The following DOK5 variants were observed in gnomAD, a reference collection of about 807,000 sequenced individuals.
The protein encoded by DOK5 is downstream of tyrosine kinase 5.
Under a neutral mutation model 43.3 loss-of-function variants are expected in DOK5, and 27 were observed. That is an observed-to-expected ratio of 0.62 (90% CI 0.46 to 0.86). The LOEUF (loss-of-function observed/expected upper bound fraction) is 0.86. DOK5 is among the 40% of genes least tolerant of loss of function. DOK5 has a pLI of 0.00. For missense variants in DOK5, 373 were observed against 392.9 expected, an observed-to-expected ratio of 0.95 and a Z score of 0.43; for synonymous variants, 146 against 140.1, an observed-to-expected ratio of 1.04 and a Z score of -0.30.
At chr20:54,648,529 G>A (rs965985632) in intron 7 of DOK5, among the ~76,000 whole-genome samples, 4 of 152,106 alleles carry the variant, frequency 2.6e-5, no homozygotes, top group South Asian at 2.1e-4. Context: ...CAGCCATACC[G>A]AGAGCCAGGG....
intron 1 of DOK5, among the ~76,000 whole-genome samples, chr20:54,543,534 A>C (rs1984235159): frequency 6.7e-6 from 1 of 149,042 alleles, no homozygotes; most frequent in South Asian, 2.1e-4. Context: ...ATTATTCCCT[A>C]GAATTGCTGT....
At chr20:54,547,093 C>T (rs756181791) in intron 1 of DOK5, among the ~76,000 whole-genome samples, 4 of 152,158 alleles carry the variant, frequency 2.6e-5, no homozygotes, top group Non-Finnish European at 5.9e-5. Context: ...CAGAGGTTGG[C>T]AAACTATGGT....
chr20:54,480,203 C>T (rs1981613810), intron 1 of DOK5, among the ~76,000 whole-genome samples: 1 of 152,160 alleles, frequency 6.6e-6, no homozygotes, highest in South Asian at 2.1e-4. Context: ...CTGGGTAAAA[C>T]AAGACTGAAA....
chr20:54,505,018 G>A (rs1337464940), intron 1 of DOK5, among the ~76,000 whole-genome samples: 1 of 152,042 alleles, frequency 6.6e-6, no homozygotes, highest in African/African-American at 2.4e-5. Context: ...TGTCCCGGTG[G>A]CATTCCCCAA....
intron 6 of DOK5, among the ~76,000 whole-genome samples, chr20:54,614,085 A>G (rs1986731628): frequency 6.6e-6 from 1 of 151,516 alleles, no homozygotes; most frequent in Admixed American, 6.6e-5. Flanking sequence ...TACATAAAAC[A>G]ACAACAAAAA....
intron 1 of DOK5, among the ~76,000 whole-genome samples, chr20:54,526,536 T>G (rs941167050): frequency 6.6e-5 from 10 of 152,194 alleles, no homozygotes; most frequent in Admixed American, 6.5e-4. Context: ...ACTTTCTTGC[T>G]GCAGACTCTT....
At chr20:54,542,780 G>A (rs765626125) in intron 1 of DOK5, among the ~76,000 whole-genome samples, 6 of 152,336 alleles carry the variant, frequency 3.9e-5, no homozygotes, top group Middle Eastern at 3.4e-3. Context: ...TTATTAAGAC[G>A]TTGATTTTTA....
intron 6 of DOK5, among the ~76,000 whole-genome samples, chr20:54,618,048 C>T (rs938507669): frequency 3.3e-5 from 5 of 152,308 alleles, no homozygotes; most frequent in South Asian, 2.1e-4. Flanking sequence ...TGGCAGGATA[C>T]CGTGGCAAGT....
chr20:54,521,302 G>A (rs942180271), intron 1 of DOK5, among the ~76,000 whole-genome samples: 3 of 152,002 alleles, frequency 2.0e-5, no homozygotes, highest in Non-Finnish European at 4.4e-5. Context: ...AACTCCTGGA[G>A]CTTGTAGAGA....
intron 7 of DOK5, among the ~76,000 whole-genome samples, chr20:54,648,069 G>A (rs1568829042): frequency 1.3e-5 from 2 of 152,098 alleles, no homozygotes; most frequent in South Asian, 2.1e-4. Context: ...CTGCCCGAAA[G>A]GGTATTTTAT....
intron 1 of DOK5, among the ~76,000 whole-genome samples, chr20:54,506,536 C>A (rs1367519313): frequency 2.0e-5 from 3 of 152,196 alleles, no homozygotes; most frequent in East Asian, 1.9e-4. Context: ...TCATGGCTCA[C>A]CGCAGCCTCC....
At chr20:54,572,222 G>A (rs923556489) in intron 2 of DOK5, among the ~76,000 whole-genome samples, 6 of 151,032 alleles carry the variant, frequency 4.0e-5, no homozygotes, top group Non-Finnish European at 8.8e-5. Flanking sequence ...GTGCAGTGGC[G>A]CGATCTTGGC....
Position 54,475,817 on chromosome 20 carries a change from C to A in DOK5, c.-130C>A. 9.0e-7 allele frequency: 1 copy of A among 1,109,434 alleles called. No individual in the cohort carries two copies. Among genetic ancestry groups the A allele is most frequent in the Non-Finnish European group, 1.3e-6 (1 of 760,660 alleles). The allele number at this position is 1,109,434 out of a possible 1,614,324, so 68.7% of individuals were successfully genotyped here. Reference sequence around the variant, plus strand: ...GTGCGCCTTCTAAAGCCTCGCCCAGCGCCGCCGAAGCAGCTTCACCTCTCC... The same window carrying A: ...GTGCGCCTTCTAAAGCCTCGCCCAGAGCCGCCGAAGCAGCTTCACCTCTCC... On this transcript the variant is annotated 5_prime_UTR_variant, in exon 1 of 8. Transcript: ENST00000262593. This position sits in a 1 kb window ranked among gnomAD's most constrained non-coding sequence, Gnocchi z 4.2.
rs1979652205 is a variant in DOK5, at chr20:54,650,619, A to C, written c.*140A>C. 1.6e-6 allele frequency: 1 copy of C among 620,612 alleles called. No homozygotes were observed. The highest frequency in any genetic ancestry group is 2.5e-5 in the South Asian group (1 of 39,520). The allele number at this position is 620,612 out of a possible 1,614,324, so 38.4% of individuals were successfully genotyped here. ...TGGCTAATTGTGTGGTCATTGGAAA[A>C]CTCTGCAATACAATAATTTTCTTTA... On this transcript the variant is annotated 3_prime_UTR_variant, in exon 8 of 8. Transcript: ENST00000262593.
chr20:54,644,947 A>G lies in DOK5; in HGVS notation c.856+1369A>G, dbSNP rs145351758. Among the ~76,000 whole-genome samples the G allele has an allele frequency of 5.0e-4, 73 of 145,410 alleles. No individual in the cohort carries two copies. The East Asian group carries it at 0.014, about 27-fold the overall frequency. On this transcript the variant is annotated intron_variant, in intron 7 of 7. Coordinates refer to ENST00000262593, the MANE Select transcript of DOK5 (RefSeq NM_018431.5). ...TGTTTTTCATTTCATAGTACATAAGAATAGCTTATTATGTTATGCGCCTTT... is the reference window on the plus strand; with the variant it reads ...TGTTTTTCATTTCATAGTACATAAGGATAGCTTATTATGTTATGCGCCTTT...
intron 1 of DOK5, among the ~76,000 whole-genome samples, chr20:54,502,422 C>T (rs547469546): frequency 6.6e-6 from 1 of 152,234 alleles, no homozygotes; most frequent in South Asian, 2.1e-4. Context: ...TTTAGGATTA[C>T]TATAGCAACA....
intron 7 of DOK5, among the ~76,000 whole-genome samples, chr20:54,647,766 C>G (rs903006347): frequency 1.3e-5 from 2 of 152,124 alleles, no homozygotes; most frequent in Admixed American, 6.5e-5. Context: ...AGTCAGAAAA[C>G]AAATCAATAA....
Position 54,618,035 on chromosome 20 carries a change from G to A in DOK5, c.735+7512G>A, listed in dbSNP as rs118064934. Among the ~76,000 whole-genome samples, 284 of 152,236 alleles carry A rather than the reference G, an allele frequency of 1.9e-3. No homozygotes were observed. In the East Asian group the frequency reaches 0.03, roughly 16 times the overall value. On this transcript the variant is annotated intron_variant, in intron 6 of 7. Coordinates refer to ENST00000262593, the MANE Select transcript of DOK5 (RefSeq NM_018431.5). ...TTGAGAACCTACTATGTTCTGTTTT[G>A]TGTGGCAGGATACCGTGGCAAGTAG...
At chr20:54,595,723 C>T (rs374774059) in intron 5 of DOK5, among the ~76,000 whole-genome samples, 2 of 152,148 alleles carry the variant, frequency 1.3e-5, no homozygotes, top group East Asian at 1.9e-4. Context: ...TTTTGCAGGG[C>T]TGGTGCAAAC....
Sources: allele counts gnomAD v4.1 joint callset (sites outside exome capture counted in the v4.1 genomes callset), GRCh38; gene constraint gnomAD v4.1.1; non-coding constraint Gnocchi (gnomAD v3.1); transcripts MANE v1.5; gene names NCBI Gene and HGNC (gene_info 2026-07-23, HGNC 2026-07-21).